The following VAT1L variants were observed in gnomAD, a reference collection of about 807,000 sequenced individuals.
The protein encoded by VAT1L is vesicle amine transport 1 like.
VAT1L carries 34 observed loss-of-function variants against 44.1 expected under a neutral mutation model. That is an observed-to-expected ratio of 0.77 (90% confidence interval 0.59 to 1.03). VAT1L has a LOEUF of 1.03. Among genes scored for constraint, VAT1L ranks in the 50% least tolerant of loss-of-function variants. The pLI, the probability that VAT1L is intolerant of heterozygous loss-of-function variation, is 0.00. For missense variants in VAT1L, 615 were observed against 538.8 expected, an observed-to-expected ratio of 1.14 and a Z score of -1.40; for synonymous variants, 253 against 202.2, an observed-to-expected ratio of 1.25 and a Z score of -2.13.
At chr16:77,807,847 G>C (rs1025330565) in intron 1 of VAT1L, among the ~76,000 whole-genome samples, 6 of 152,142 alleles carry the variant, frequency 3.9e-5, no homozygotes, top group African/African-American at 9.7e-5. Context: ...CCCACTTGAG[G>C]AGGAGCCAGA....
At chr16:77,858,377 G>A (rs1449950977) in intron 3 of VAT1L, among the ~76,000 whole-genome samples, 4 of 152,176 alleles carry the variant, frequency 2.6e-5, no homozygotes, top group South Asian at 4.2e-4. Context: ...GCATAGTCAC[G>A]CAGGATCTGA....
chr16:77,873,848 A>G (rs1567494127), intron 4 of VAT1L, among the ~76,000 whole-genome samples: 1 of 152,168 alleles, frequency 6.6e-6, no homozygotes. Flanking sequence ...AGCACATGCA[A>G]AGGCCCTGAG....
At chr16:77,957,957 G>A (rs1325373008) in intron 7 of VAT1L, among the ~76,000 whole-genome samples, 2 of 151,988 alleles carry the variant, frequency 1.3e-5, no homozygotes, top group African/African-American at 4.8e-5. Flanking sequence ...ACCCAGCCTG[G>A]AGTACAATGG....
At chr16:77,947,198 A>G (rs1034576889) in intron 7 of VAT1L, among the ~76,000 whole-genome samples, 2 of 152,262 alleles carry the variant, frequency 1.3e-5, no homozygotes, top group African/African-American at 2.4e-5. Flanking sequence ...CGGAAGGAAC[A>G]TAAGGAGGAT....
chr16:77,874,121 G>T (rs1293442770), intron 4 of VAT1L, among the ~76,000 whole-genome samples: 2 of 152,082 alleles, frequency 1.3e-5, no homozygotes, highest in Non-Finnish European at 2.9e-5. Context: ...AAAATTCAAG[G>T]CTGGGCGGAC....
chr16:77,799,498 A>C (rs1248044647), intron 1 of VAT1L, among the ~76,000 whole-genome samples: 1 of 144,168 alleles, frequency 6.9e-6, no homozygotes, highest in Admixed American at 7.1e-5. Flanking sequence ...CCCCACTGGA[A>C]TACATGGTGT....
At position 77,951,211 on chromosome 16, in the gene VAT1L, C is replaced by A. The variant is rs114915322; in HGVS notation, c.1078-20639C>A. 3.9e-5 allele frequency among the ~76,000 whole-genome samples: 6 copies of A among 152,278 alleles called. No individual in the cohort carries two copies. The East Asian group carries it at 1.2e-3, about 29-fold the overall frequency. ...AATGGGAGCTCTTCAGTACAACTTG[C>A]AGGGAACAGCAGCAAAGTGGAAGGG... On this transcript the variant is annotated intron_variant, in intron 7 of 8. Coordinates refer to ENST00000302536, the MANE Select transcript of VAT1L (RefSeq NM_020927.3).
At chr16:77,804,375 C>A (rs2016117866) in intron 1 of VAT1L, among the ~76,000 whole-genome samples, 1 of 152,286 alleles carries the variant, frequency 6.6e-6, no homozygotes, top group African/African-American at 2.4e-5. Context: ...TGGACCCTTT[C>A]GGACCTGGCT....
At chr16:77,865,363 G>T (rs1026868409) in intron 4 of VAT1L, among the ~76,000 whole-genome samples, 49 of 151,998 alleles carry the variant, frequency 3.2e-4, no homozygotes, top group African/African-American at 1.2e-3. Flanking sequence ...ACTTCCTTAC[G>T]TGTATTTTTG....
At chr16:77,810,626 C>T (rs549843600) in intron 1 of VAT1L, among the ~76,000 whole-genome samples, 57 of 152,206 alleles carry the variant, frequency 3.7e-4, no homozygotes, top group Admixed American at 9.8e-4. Flanking sequence ...GCCATGTTCA[C>T]GCCTCTGCAC....
intron 3 of VAT1L, among the ~76,000 whole-genome samples, chr16:77,852,849 G>T (rs559891127): frequency 6.6e-6 from 1 of 152,266 alleles, no homozygotes; most frequent in East Asian, 1.9e-4. Flanking sequence ...GTGACTGTAG[G>T]CTGTTACCTA....
rs188268037 is a variant in VAT1L, at chr16:77,950,493, A to G, written c.1078-21357A>G. On this transcript the variant is annotated intron_variant, in intron 7 of 8. Coordinates refer to ENST00000302536, the MANE Select transcript of VAT1L (RefSeq NM_020927.3). ...GAAAATGAAAACTAGCCCTAACCCT[A>G]TTACTCAGATATAGCCAAGGTTGTG... 2.3e-4 allele frequency among the ~76,000 whole-genome samples: 34 copies of G among 150,982 alleles called. 1 individual carries two copies. In the East Asian group the frequency reaches 4.1e-3, roughly 18 times the overall value.
chr16:77,918,906 G>C (rs2017580865), intron 7 of VAT1L, among the ~76,000 whole-genome samples: 1 of 152,058 alleles, frequency 6.6e-6, no homozygotes, highest in South Asian at 2.1e-4. Flanking sequence ...TCTCTCTCCT[G>C]AGCTTACCAT....
intron 4 of VAT1L, among the ~76,000 whole-genome samples, chr16:77,873,931 G>A (rs182441458): frequency 5.8e-4 from 88 of 152,266 alleles, no homozygotes; most frequent in African/African-American, 1.9e-3. Context: ...ATGGGGAAGT[G>A]CACAGGAGTT....
chr16:77,903,452 T>C (rs1282788010), intron 7 of VAT1L, among the ~76,000 whole-genome samples: 1 of 152,178 alleles, frequency 6.6e-6, no homozygotes, highest in Non-Finnish European at 1.5e-5. Context: ...AAAATTAATA[T>C]ACATAACACC....
intron 4 of VAT1L, among the ~76,000 whole-genome samples, chr16:77,869,960 A>G (rs1261991438): frequency 6.6e-6 from 1 of 152,190 alleles, no homozygotes; most frequent in East Asian, 1.9e-4. Flanking sequence ...CTGGCACATA[A>G]TAGGAGCTTA....
chr16:77,917,499 T>A (rs2017563925), intron 7 of VAT1L, among the ~76,000 whole-genome samples: 1 of 152,234 alleles, frequency 6.6e-6, no homozygotes. Context: ...TGATTCCTGT[T>A]CAACTTCAAA....
chr16:77,950,593 C>T (rs919708292), intron 7 of VAT1L, among the ~76,000 whole-genome samples: 7 of 152,162 alleles, frequency 4.6e-5, no homozygotes, highest in Middle Eastern at 3.4e-3. Context: ...GTATGTTCAG[C>T]GTGATCTTAT....
At chr16:77,968,633 G>C (rs1410116108) in intron 7 of VAT1L, among the ~76,000 whole-genome samples, 2 of 152,028 alleles carry the variant, frequency 1.3e-5, no homozygotes, top group African/African-American at 2.4e-5. Context: ...GTTGAGGCTG[G>C]AGAATGGCAT....
Sources: allele counts gnomAD v4.1 joint callset (sites outside exome capture counted in the v4.1 genomes callset), GRCh38; gene constraint gnomAD v4.1.1; transcripts MANE v1.5; gene names NCBI Gene and HGNC (gene_info 2026-07-23, HGNC 2026-07-21).